The following NTRK3 variants were observed in gnomAD, a reference collection of about 807,000 sequenced individuals.
The protein encoded by NTRK3 is neurotrophic receptor tyrosine kinase 3.
A neutral mutation model predicts 91.7 loss-of-function variants in NTRK3; 24 were observed. The ratio of observed to expected loss-of-function variants is 0.26; its 90% CI spans 0.19 to 0.37. The LOEUF (loss-of-function observed/expected upper bound fraction) is 0.37. NTRK3 is among the 10% of genes least tolerant of loss of function. NTRK3 has a pLI of 1.00. For missense variants in NTRK3, 880 were observed against 1,068.9 expected (o/e 0.82, Z 2.46); for synonymous variants, 483 against 404.0 (o/e 1.20, Z -2.34).
chr15:88,233,803 G>A lies in NTRK3; in HGVS notation c.248+22103C>T, dbSNP rs2051431100. On this transcript the variant is annotated intron_variant, in intron 3 of 18. Transcript: ENST00000394480. This position sits in a 1 kb window ranked among gnomAD's most constrained non-coding sequence, Gnocchi z 4.2. ...CTGACATCCAGTGCTCCCCCTCCCT[G>A]CCTTGTCCAAGAGAATCTCTACTCC... Among the ~76,000 whole-genome samples the A allele has an allele frequency of 6.7e-6, 1 of 148,664 alleles. No individual in the cohort carries two copies. Among genetic ancestry groups the A allele is most frequent in the African/African-American group, 2.6e-5 (1 of 38,682 alleles).
At chr15:87,955,674 C>T (rs1443513340) in intron 14 of NTRK3, among the ~76,000 whole-genome samples, 9 of 152,180 alleles carry the variant, frequency 5.9e-5, no homozygotes, top group Non-Finnish European at 1.3e-4. Flanking sequence ...AACCCTTGCT[C>T]CAAACTTGCC....
chr15:88,254,768 A>G (rs778094284), intron 3 of NTRK3, among the ~76,000 whole-genome samples: 39 of 152,286 alleles, frequency 2.6e-4, no homozygotes, highest in Admixed American at 6.5e-4. Context: ...AACCCTTCTC[A>G]GCTGCCTACC....
intron 14 of NTRK3, among the ~76,000 whole-genome samples, chr15:87,947,154 C>T (rs576446406): frequency 6.6e-6 from 1 of 152,108 alleles, no homozygotes; most frequent in Admixed American, 6.5e-5. Flanking sequence ...GCTAGGATTA[C>T]AGGCATCAGC....
intron 14 of NTRK3, among the ~76,000 whole-genome samples, chr15:88,020,497 C>T (rs2077524596): frequency 6.6e-6 from 1 of 152,160 alleles, no homozygotes; most frequent in African/African-American, 2.4e-5. Context: ...ATATATTTTT[C>T]AGTACCATCA....
chr15:88,097,350 G>A (rs999892183), intron 13 of NTRK3, among the ~76,000 whole-genome samples: 3 of 152,142 alleles, frequency 2.0e-5, no homozygotes, highest in African/African-American at 7.2e-5. Flanking sequence ...TGAAGAGTGT[G>A]ATTATGTATA....
At chr15:87,979,825 G>A (rs115394099) in intron 14 of NTRK3, among the ~76,000 whole-genome samples, 2 of 152,260 alleles carry the variant, frequency 1.3e-5, no homozygotes, top group East Asian at 1.9e-4. Context: ...GGGGTGTGTC[G>A]GAGAAGGGGT....
At position 88,044,318 on chromosome 15, in the gene NTRK3, T is replaced by C. The variant is rs999289039; in HGVS notation, c.1397-11273A>G. ...CTCTGTTGCCCAAGCTGGAGTGCAGTGACACGATCTCGGCTCACTGCAAGC... is the reference window on the plus strand; with the variant it reads ...CTCTGTTGCCCAAGCTGGAGTGCAGCGACACGATCTCGGCTCACTGCAAGC... On this transcript the variant is annotated intron_variant, in intron 13 of 18. Transcript: ENST00000394480. 1.3e-4 allele frequency among the ~76,000 whole-genome samples: 19 copies of C among 141,128 alleles called. No individual in the cohort carries two copies. In the East Asian group the frequency reaches 3.8e-3, roughly 29 times the overall value. 92.6% of individuals were successfully genotyped at this position (141,128 alleles called of 152,430 possible). A position where few individuals can be genotyped will look rare whatever the true frequency, so the allele number is the denominator to read the frequency against.
rs975987947 is a variant in NTRK3 at position 87,933,188 on chromosome 15, G to C, written c.1717-4C>G. On this transcript the variant is annotated splice_region_variant and splice_polypyrimidine_tract_variant and intron_variant, in intron 15 of 18. Coordinates refer to ENST00000394480, the Ensembl canonical transcript of NTRK3. ...CCAGGGTGGGATCCTTCAGGGCCTA[G>C]GAACAATGCAGGACACAGGTGTTTA... 3.1e-6 allele frequency: 5 copies of C among 1,614,176 alleles called. 1 individual carries two copies. The African/African-American group carries it at 5.3e-5, about 17-fold the overall frequency.
chr15:88,122,347 T>C (rs1031291029), intron 13 of NTRK3, among the ~76,000 whole-genome samples: 2 of 152,088 alleles, frequency 1.3e-5, no homozygotes, highest in African/African-American at 4.8e-5. Context: ...AGGTGTGAGT[T>C]TATCTGGGAG....
At chr15:88,109,459 T>C (rs1331250388) in intron 13 of NTRK3, among the ~76,000 whole-genome samples, 1 of 152,202 alleles carries the variant, frequency 6.6e-6, no homozygotes, top group African/African-American at 2.4e-5. Flanking sequence ...ACAATAATTT[T>C]TGTATCACAA....
intron 13 of NTRK3, among the ~76,000 whole-genome samples, chr15:88,099,818 T>C (rs1014142636): frequency 2.0e-5 from 3 of 152,080 alleles, no homozygotes; most frequent in Admixed American, 6.6e-5. Flanking sequence ...AAACTGGAAA[T>C]TGAACGCTAT....
intron 3 of NTRK3, among the ~76,000 whole-genome samples, chr15:88,242,482 G>A (rs750015875): frequency 9.2e-5 from 14 of 152,126 alleles, no homozygotes; most frequent in African/African-American, 1.4e-4. Context: ...CATTAGATCC[G>A]TTTTCTAAAA....
At chr15:87,916,956 G>C (rs2067491265) in intron 17 of NTRK3, among the ~76,000 whole-genome samples, 2 of 152,086 alleles carry the variant, frequency 1.3e-5, no homozygotes, top group South Asian at 2.1e-4. Context: ...TAGAGACAAG[G>C]TTTTGCCATG....
intron 3 of NTRK3, among the ~76,000 whole-genome samples, chr15:88,207,447 T>G (rs957205911): frequency 1.3e-5 from 2 of 152,168 alleles, no homozygotes; most frequent in Non-Finnish European, 2.9e-5. Context: ...TCCAAAAGCT[T>G]CTGTTAAATC....
chr15:87,977,785 C>A (rs2073855461), intron 14 of NTRK3: 2 of 232,230 alleles, frequency 8.6e-6, no homozygotes, highest in Non-Finnish European at 1.7e-5. Context: ...TGTTTTTAAA[C>A]CCCATGGAGG....
intron 14 of NTRK3, among the ~76,000 whole-genome samples, chr15:87,955,274 C>T (rs1208785571): frequency 6.6e-6 from 1 of 152,200 alleles, no homozygotes; most frequent in Non-Finnish European, 1.5e-5. Flanking sequence ...ACTCCACCTG[C>T]CCACCTGAAG....
At chr15:87,920,063 T>C (rs1596254734) in intron 17 of NTRK3, among the ~76,000 whole-genome samples, 1 of 152,276 alleles carries the variant, frequency 6.6e-6, no homozygotes, top group African/African-American at 2.4e-5. Context: ...ATTTTAGAGA[T>C]GAAAGTGAAA....
At chr15:87,973,811 G>C (rs2073463580) in intron 14 of NTRK3, among the ~76,000 whole-genome samples, 1 of 152,086 alleles carries the variant, frequency 6.6e-6, no homozygotes, top group South Asian at 2.1e-4. Context: ...ACTCCAAGCA[G>C]CCAGCATCGC....
chr15:88,114,029 C>A (rs1219192355), intron 13 of NTRK3, among the ~76,000 whole-genome samples: 1 of 151,800 alleles, frequency 6.6e-6, no homozygotes, highest in Non-Finnish European at 1.5e-5. Context: ...CAACAACAAC[C>A]ACACACACAC....
Sources: allele counts gnomAD v4.1 joint callset (sites outside exome capture counted in the v4.1 genomes callset), GRCh38; gene constraint gnomAD v4.1.1; non-coding constraint Gnocchi (gnomAD v3.1); transcripts MANE v1.5; gene names NCBI Gene and HGNC (gene_info 2026-07-23, HGNC 2026-07-21).